Variants in TUBA1A observed in about 807,000 individuals in gnomAD.
The protein encoded by TUBA1A is tubulin alpha 1a, also known as tubulin alpha-1A chain.
In TUBA1A, 7 loss-of-function variants were observed where a neutral mutation model predicts 34.6. That is an observed-to-expected ratio of 0.20 (90% confidence interval 0.11 to 0.38). The LOEUF (loss-of-function observed/expected upper bound fraction) is 0.38, where lower values mean the gene tolerates loss of function less well. TUBA1A is among the 10% of genes least tolerant of loss of function. TUBA1A has a pLI of 1.00. For missense variants in TUBA1A, 19 were observed against 581.3 expected (o/e 0.03, Z 9.95); for synonymous variants, 193 against 210.2 (o/e 0.92, Z 0.71).
At chr12:49,187,518 GAATT>G (rs926210699) in intron 1 of TUBA1A, 4 of 985,606 alleles carry the variant, frequency 4.1e-6, no homozygotes, top group Middle Eastern at 5.2e-4. Flanking sequence ...GAATTGAAAT[GAATT>G]AATTAAGATG....
chr12:49,188,430 GA>G lies in TUBA1A; in HGVS notation c.3+546del, dbSNP rs758155234. 1 of 1,535,890 alleles carries G rather than the reference GA, an allele frequency of 6.5e-7. No homozygotes were observed. The highest frequency in any genetic ancestry group is 1.2e-5 in the South Asian group (1 of 84,046). On this transcript the variant is annotated intron_variant, in intron 1 of 3. Coordinates refer to ENST00000301071, the MANE Select transcript of TUBA1A (RefSeq NM_006009.4). The surrounding 1 kb of genome is among the most constrained non-coding windows in gnomAD (Gnocchi z 4.9). ...GCAGAAACTCACCATGTTTTCCCGG[GA>G]ATGTGTGGGTATCTTTCCAAAACGC...
In TUBA1A at chr12:49,188,214, A is replaced by G; in HGVS notation, c.3+763T>C. On this transcript the variant is annotated intron_variant, in intron 1 of 3. Transcript: ENST00000301071. The surrounding 1 kb of genome is among the most constrained non-coding windows in gnomAD (Gnocchi z 4.9). Reference sequence around the variant, plus strand: ...AAAAAAAAAAGTCATCTAACTTATAATAGTGAAGAAAACCCTTTTGGAGCC... The same window carrying G: ...AAAAAAAAAAGTCATCTAACTTATAGTAGTGAAGAAAACCCTTTTGGAGCC... 4 of 985,372 alleles carry G rather than the reference A, an allele frequency of 4.1e-6. No homozygotes were observed. Among genetic ancestry groups the G allele is most frequent in the Non-Finnish European group, 4.8e-6 (4 of 829,892 alleles). The allele number at this position is 985,372 out of a possible 1,614,324, so 61.0% of individuals were successfully genotyped here. A position where few individuals can be genotyped will look rare whatever the true frequency, so the allele number is the denominator to read the frequency against.
rs1458994908 is a variant in TUBA1A, at chr12:49,186,343, G to A, written c.342C>T (p.Ile114=). The change falls in exon 3 of 4, where the codon ATC becomes ATT. Residue 114 remains isoleucine, a synonymous_variant. Transcript: ENST00000301071. This position sits in a 1 kb window ranked among gnomAD's most constrained non-coding sequence, Gnocchi z 6.6. Reference sequence around the variant, plus strand: ...GAATTCGGTCCAACACGAGGTCAATGATCTCCTTGCCAATGGTGTAGTGCC... The same window carrying A: ...GAATTCGGTCCAACACGAGGTCAATAATCTCCTTGCCAATGGTGTAGTGCC... The part of the protein sequence containing the change: ...ARGHYTIGKE[I]IDLVLDRIRK... 5.0e-6 allele frequency: 8 copies of A among 1,613,570 alleles called. No individual in the cohort carries two copies. Among genetic ancestry groups the A allele is most frequent in the Non-Finnish European group, 8.5e-7 (1 of 1,180,058 alleles).
In TUBA1A at chr12:49,186,277, A is replaced by C. The variant is rs1449668412; in HGVS notation, c.375+33T>G. ...TATTTCAAATGTGTTCTTTAGGCTC[A>C]TTAATTTACTTTATTCTTGAAAAGA... On this transcript the variant is annotated intron_variant, in intron 3 of 3. Coordinates refer to ENST00000301071, the MANE Select transcript of TUBA1A (RefSeq NM_006009.4). This position sits in a 1 kb window ranked among gnomAD's most constrained non-coding sequence, Gnocchi z 6.6. 1 of 1,612,580 alleles carries C rather than the reference A, an allele frequency of 6.2e-7. No homozygotes were observed. The highest frequency in any genetic ancestry group is 1.1e-5 in the South Asian group (1 of 91,006).
chr12:49,185,055 C>G lies in TUBA1A; in HGVS notation c.1311G>C (p.Val437=). The G allele has an allele frequency of 6.2e-7, 1 of 1,614,186 alleles. No individual in the cohort carries two copies. Among genetic ancestry groups the G allele is most frequent in the Non-Finnish European group, 8.5e-7 (1 of 1,180,030 alleles). Residue 437 remains valine, a synonymous_variant, in exon 4 of 4, where the codon GTG becomes GTC. Transcript: ENST00000301071. Reference sequence around the variant, plus strand: ...CCTCACCCTCTCCTTCAACAGAATCCACACCAACCTCCTCATAATCCTTCT... The same window carrying G: ...CCTCACCCTCTCCTTCAACAGAATCGACACCAACCTCCTCATAATCCTTCT... ...ALEKDYEEVG[V]DSVEGEGEEE...
rs1942203918 is a variant in TUBA1A at position 49,188,049 on chromosome 12, TCA to T, written c.3+926_3+927del. 5 of 924,754 alleles carry T rather than the reference TCA, an allele frequency of 5.4e-6. No homozygotes were observed. In the South Asian group the frequency reaches 2.5e-4, roughly 46 times the overall value. The allele number at this position is 924,754 out of a possible 1,614,324, so 57.3% of individuals were successfully genotyped here. On this transcript the variant is annotated intron_variant, in intron 1 of 3. Transcript: ENST00000301071. This position sits in a 1 kb window ranked among gnomAD's most constrained non-coding sequence, Gnocchi z 4.9. ...ACACACACACACACACACACACACT[TCA>T]GTCGGTCAGGGCAGGGCGTCCCACA...
In TUBA1A at chr12:49,188,481, C is replaced by T; in HGVS notation, c.3+496G>A. ...CCAAAGACCGCGGAGGGTCTTCCCACGCTAACCCTAGGCTGCGCTTTGTTC... is the reference window on the plus strand; with the variant it reads ...CCAAAGACCGCGGAGGGTCTTCCCATGCTAACCCTAGGCTGCGCTTTGTTC... On this transcript the variant is annotated intron_variant, in intron 1 of 3. Coordinates refer to ENST00000301071, the MANE Select transcript of TUBA1A (RefSeq NM_006009.4). This position sits in a 1 kb window ranked among gnomAD's most constrained non-coding sequence, Gnocchi z 4.9. 6.5e-7 allele frequency: 1 copy of T among 1,534,904 alleles called. No individual in the cohort carries two copies. The highest frequency in any genetic ancestry group is 8.7e-7 in the Non-Finnish European group (1 of 1,146,074).
Position 49,188,430 on chromosome 12 carries a change from G to A in TUBA1A, c.3+547C>T, listed in dbSNP as rs1565628409. 1.3e-6 allele frequency: 2 copies of A among 1,535,890 alleles called. No homozygotes were observed. Among genetic ancestry groups the A allele is most frequent in the Admixed American group, 3.9e-5 (2 of 50,982 alleles). On this transcript the variant is annotated intron_variant, in intron 1 of 3. Transcript: ENST00000301071. The surrounding 1 kb of genome is among the most constrained non-coding windows in gnomAD (Gnocchi z 4.9). ...GCAGAAACTCACCATGTTTTCCCGGGAATGTGTGGGTATCTTTCCAAAACG... is the reference window on the plus strand; with the variant it reads ...GCAGAAACTCACCATGTTTTCCCGGAAATGTGTGGGTATCTTTCCAAAACG...
rs1209677326 is a variant in TUBA1A at position 49,188,699 on chromosome 12, GC to G, written c.3+277del. 2.1e-6 allele frequency: 3 copies of G among 1,438,532 alleles called. No homozygotes were observed. In the African/African-American group the frequency reaches 4.3e-5, roughly 21 times the overall value. The allele number at this position is 1,438,532 out of a possible 1,614,324, so 89.1% of individuals were successfully genotyped here. A position where few individuals can be genotyped will look rare whatever the true frequency, so the allele number is the denominator to read the frequency against. On this transcript the variant is annotated intron_variant, in intron 1 of 3. Coordinates refer to ENST00000301071, the MANE Select transcript of TUBA1A (RefSeq NM_006009.4). This position sits in a 1 kb window ranked among gnomAD's most constrained non-coding sequence, Gnocchi z 4.9. ...GGTCGCGGCAGACGGGCTGCCCGCG[GC>G]CCCCGAAAGTCTCTCGGATAACACA...
Position 49,185,349 on chromosome 12 carries a change from A to G in TUBA1A, c.1017T>C (p.Arg339=), listed in dbSNP as rs1592259622. The G allele has an allele frequency of 1.2e-6, 2 of 1,614,240 alleles. No individual in the cohort carries two copies. Among genetic ancestry groups the G allele is most frequent in the Non-Finnish European group, 8.5e-7 (1 of 1,180,036 alleles). The change falls in exon 4 of 4, where the codon CGT becomes CGC. Residue 339 remains arginine (R), a synonymous_variant. Coordinates refer to ENST00000301071, the MANE Select transcript of TUBA1A (RefSeq NM_006009.4). ...GGCACCAATCCACAAACTGGATGGT[A>G]CGCTTGGTCTTGATGGTGGCAATGG... ...NAAIATIKTK[R]TIQFVDWCPT...
Position 49,188,292 on chromosome 12 carries a change from G to C in TUBA1A, c.3+685C>G, listed in dbSNP as rs955210838. 1 of 1,453,554 alleles carries C rather than the reference G, an allele frequency of 6.9e-7. No individual in the cohort carries two copies. The highest frequency in any genetic ancestry group is 2.6e-5 in the East Asian group (1 of 38,154). 90.0% of individuals were successfully genotyped at this position (1,453,554 alleles called of 1,614,324 possible). A position where few individuals can be genotyped will look rare whatever the true frequency, so the allele number is the denominator to read the frequency against. On this transcript the variant is annotated intron_variant, in intron 1 of 3. Coordinates refer to ENST00000301071, the MANE Select transcript of TUBA1A (RefSeq NM_006009.4). The surrounding 1 kb of genome is among the most constrained non-coding windows in gnomAD (Gnocchi z 4.9). ...TTTGTTTTTTTTTCAGTCAGCTCCTGACAGAAGAGGTTCAGTGAGGGCGAA... is the reference window on the plus strand; with the variant it reads ...TTTGTTTTTTTTTCAGTCAGCTCCTCACAGAAGAGGTTCAGTGAGGGCGAA...
chr12:49,187,591 C>A, intron 1 of TUBA1A: 1 of 975,542 alleles, frequency 1.0e-6, no homozygotes, highest in Non-Finnish European at 1.2e-6. Flanking sequence ...GTAGCAATTT[C>A]ATTACTTTTT....
At position 49,184,795 on chromosome 12, in the gene TUBA1A, T is replaced by C; in HGVS notation, c.*215A>G. ...CCCAGATAGAAAACACAGGACTGAA[T>C]TCATTTAAGACAGGGAATACTTTAT... On this transcript the variant is annotated 3_prime_UTR_variant, in exon 4 of 4. Coordinates refer to ENST00000301071, the MANE Select transcript of TUBA1A (RefSeq NM_006009.4). The C allele has an allele frequency of 1.4e-6, 1 of 735,404 alleles. No individual in the cohort carries two copies. Among genetic ancestry groups the C allele is most frequent in the Non-Finnish European group, 2.2e-6 (1 of 453,066 alleles). 45.6% of individuals were successfully genotyped at this position (735,404 alleles called of 1,614,324 possible).
chr12:49,184,829 C>T lies in TUBA1A; in HGVS notation c.*181G>A. The T allele has an allele frequency of 2.1e-6, 2 of 972,330 alleles. No homozygotes were observed. Among genetic ancestry groups the T allele is most frequent in the Non-Finnish European group, 3.1e-6 (2 of 637,734 alleles). The allele number at this position is 972,330 out of a possible 1,614,324, so 60.2% of individuals were successfully genotyped here. On this transcript the variant is annotated 3_prime_UTR_variant, in exon 4 of 4. Coordinates refer to ENST00000301071, the MANE Select transcript of TUBA1A (RefSeq NM_006009.4). ...GACAGGGAATACTTTATTCAAAACC[C>T]ATCACAGAAATGGACAGCTTGGGTC... is the stretch of plus-strand genomic sequence containing the variant.
Position 49,188,597 on chromosome 12 carries a change from G to A in TUBA1A, c.3+380C>T. The stretch of plus-strand genomic sequence containing the variant: ...TCCCGGTCCCCAGAGAACAACGCGA[G>A]ACAGAAAGTGGCCCCTCAGCATCAG... On this transcript the variant is annotated intron_variant, in intron 1 of 3. Transcript: ENST00000301071. This position sits in a 1 kb window ranked among gnomAD's most constrained non-coding sequence, Gnocchi z 4.9. 6.9e-7 allele frequency: 1 copy of A among 1,449,056 alleles called. No individual in the cohort carries two copies. Among genetic ancestry groups the A allele is most frequent in the African/African-American group, 1.4e-5 (1 of 70,516 alleles). 89.8% of individuals were successfully genotyped at this position (1,449,056 alleles called of 1,614,324 possible).
rs1942207692 is a variant in TUBA1A, at chr12:49,188,271, T to G, written c.3+706A>C. On this transcript the variant is annotated intron_variant, in intron 1 of 3. Transcript: ENST00000301071. The surrounding 1 kb of genome is among the most constrained non-coding windows in gnomAD (Gnocchi z 4.9). ...TCCGCAATGATGAAAGGTTTTTTTG[T>G]TTTTTTTTCAGTCAGCTCCTGACAG... 6.5e-6 allele frequency: 9 copies of G among 1,384,432 alleles called. No homozygotes were observed. Among genetic ancestry groups the G allele is most frequent in the Middle Eastern group, 1.9e-4 (1 of 5,300 alleles). 85.8% of individuals were successfully genotyped at this position (1,384,432 alleles called of 1,614,324 possible). A position where few individuals can be genotyped will look rare whatever the true frequency, so the allele number is the denominator to read the frequency against.
At chr12:49,187,850 T>G in intron 1 of TUBA1A, 5 of 984,190 alleles carry the variant, frequency 5.1e-6, no homozygotes, top group Non-Finnish European at 6.0e-6. Flanking sequence ...AGAGGTTTTC[T>G]TCTCTGTGGT....
At position 49,185,847 on chromosome 12, in the gene TUBA1A, C is replaced by G; in HGVS notation, c.519G>C (p.Pro173=). Residue 173 remains proline, a synonymous_variant, in exon 4 of 4, where the codon CCG becomes CCC. Coordinates refer to ENST00000301071, the MANE Select transcript of TUBA1A (RefSeq NM_006009.4). ...CTACAGCTGTGGAAACCTGGGGCGCCGGGTAAATAGAGAACTCCAGCTTGG... is the reference window on the plus strand; with the variant it reads ...CTACAGCTGTGGAAACCTGGGGCGCGGGGTAAATAGAGAACTCCAGCTTGG... The part of the protein sequence containing the change: ...KKSKLEFSIY[P]APQVSTAVVE... 4 of 1,613,780 alleles carry G rather than the reference C, an allele frequency of 2.5e-6. No individual in the cohort carries two copies. The highest frequency in any genetic ancestry group is 3.4e-6 in the Non-Finnish European group (4 of 1,179,972).
At position 49,186,096 on chromosome 12, in the gene TUBA1A, T is replaced by G. The variant is rs576455942; in HGVS notation, c.376-106A>C. The G allele has an allele frequency of 2.0e-6, 3 of 1,537,082 alleles. No individual in the cohort carries two copies. The highest frequency in any genetic ancestry group is 2.6e-6 in the Non-Finnish European group (3 of 1,139,892). ...TCATACATCTTCCAGGACTTAGATC[T>G]TATTTTGACAAATGCTTTTTAAAAA... On this transcript the variant is annotated intron_variant, in intron 3 of 3. Transcript: ENST00000301071. The surrounding 1 kb of genome is among the most constrained non-coding windows in gnomAD (Gnocchi z 6.6).
Sources: gnomAD v4.1 joint callset for allele counts on GRCh38, gnomAD v4.1.1 for gene constraint, Gnocchi (gnomAD v3.1) non-coding constraint, MANE v1.5 for transcripts, NCBI Gene and HGNC (gene_info 2026-07-23, HGNC 2026-07-21) for gene names.